Variants in TRMT61B observed in about 807,000 individuals in gnomAD.
TRMT61B encodes tRNA (adenine(58)-N(1))-methyltransferase, mitochondrial.
Under a neutral mutation model 52.0 loss-of-function variants are expected in TRMT61B, and 56 were observed. The observed-to-expected ratio is 1.08, with a 90% CI of 0.87 to 1.35. The LOEUF (loss-of-function observed/expected upper bound fraction) is 1.35. Among genes scored for constraint, TRMT61B ranks in the 40% most tolerant of loss-of-function variants. The pLI is 0.00. For missense variants in TRMT61B, 650 were observed against 577.9 expected (o/e 1.12, Z -1.28); for synonymous variants, 206 against 220.0 (o/e 0.94, Z 0.56).
At chr2:28,869,167 T>A (rs1021850301) in intron 1 of TRMT61B, among the ~76,000 whole-genome samples, 1 of 152,230 alleles carries the variant, frequency 6.6e-6, no homozygotes, top group Non-Finnish European at 1.5e-5. Context: ...TCTTGTAACA[T>A]GATTATTGAA....
chr2:28,855,077 G>A (rs1366189149), intron 3 of TRMT61B, among the ~76,000 whole-genome samples: 1 of 152,132 alleles, frequency 6.6e-6, no homozygotes, highest in African/African-American at 2.4e-5. Flanking sequence ...TCCTGGTGGA[G>A]GGAACAGCAA....
intron 1 of TRMT61B, among the ~76,000 whole-genome samples, chr2:28,868,639 A>T (rs946753557): frequency 3.9e-5 from 6 of 152,250 alleles, no homozygotes; most frequent in Admixed American, 6.5e-5. Flanking sequence ...AAGGAGGAGG[A>T]GTTGTGTTAC....
intron 1 of TRMT61B, among the ~76,000 whole-genome samples, chr2:28,868,070 T>C (rs959974873): frequency 6.6e-6 from 1 of 152,036 alleles, no homozygotes; most frequent in African/African-American, 2.4e-5. Context: ...AAAAGCTTAT[T>C]ATACCTCAGT....
chr2:28,868,219 C>T (rs1042962038), intron 1 of TRMT61B, among the ~76,000 whole-genome samples: 3 of 152,072 alleles, frequency 2.0e-5, no homozygotes, highest in African/African-American at 4.8e-5. Context: ...ATACGGGGTC[C>T]CTCATCTGAC....
At chr2:28,856,419 A>G (rs1572537588) in intron 3 of TRMT61B, among the ~76,000 whole-genome samples, 1 of 152,168 alleles carries the variant, frequency 6.6e-6, no homozygotes, top group Admixed American at 6.5e-5. Context: ...CTCCAGAACT[A>G]TTCTAAAACA....
intron 5 of TRMT61B, 92 bp downstream of exon 5, chr2:28,850,979 TG>T: frequency 2.6e-6 from 2 of 764,380 alleles, no homozygotes; most frequent in South Asian, 4.5e-5. Flanking sequence ...TATAGAAAAT[TG>T]CTGAGGAATA....
At chr2:28,856,434 T>C (rs1379765411) in intron 3 of TRMT61B, among the ~76,000 whole-genome samples, 1 of 152,170 alleles carries the variant, frequency 6.6e-6, no homozygotes, top group Non-Finnish European at 1.5e-5. Flanking sequence ...AAAACAGAAA[T>C]CTAGACAGTC....
At chr2:28,859,074 T>TCTTC (rs1669482602) in intron 3 of TRMT61B, among the ~76,000 whole-genome samples, 1 of 149,430 alleles carries the variant, frequency 6.7e-6, no homozygotes, top group Admixed American at 6.7e-5. Context: ...CTTGTATTTT[T>TCTTC]CTTTCTTTCT....
At chr2:28,862,694 T>A (rs1450076530) in intron 2 of TRMT61B, among the ~76,000 whole-genome samples, 1 of 151,744 alleles carries the variant, frequency 6.6e-6, no homozygotes, top group African/African-American at 2.4e-5. Flanking sequence ...TTTCATATAT[T>A]TAAAAGGTAT....
At chr2:28,853,574 C>T (rs1422212786) in intron 3 of TRMT61B, among the ~76,000 whole-genome samples, 1 of 152,198 alleles carries the variant, frequency 6.6e-6, no homozygotes, top group Admixed American at 6.5e-5. Flanking sequence ...CAGTGGCTCA[C>T]GCCTATAATC....
In TRMT61B at chr2:28,851,925, A is replaced by C. The variant is rs1409388379; in HGVS notation, c.1085+483T>G. Among the ~76,000 whole-genome samples, 37 of 150,916 alleles carry C rather than the reference A, an allele frequency of 2.5e-4. 1 individual carries two copies. Among genetic ancestry groups the C allele is most frequent in the East Asian group, 5.8e-4 (3 of 5,156 alleles). On this transcript the variant is annotated intron_variant, in intron 4 of 6. Transcript: ENST00000306108. ...AACGAAAAAAGTTTAAAAAAAAAAA[A>C]CACTAAATAAATATACAGTAATATA... is the stretch of plus-strand genomic sequence containing the variant.
intron 1 of TRMT61B, among the ~76,000 whole-genome samples, chr2:28,867,601 T>C (rs573919033): frequency 6.6e-6 from 1 of 152,310 alleles, no homozygotes; most frequent in South Asian, 2.1e-4. Context: ...TGGAACAATG[T>C]GACTTTTATC....
intron 5 of TRMT61B, 68 bp downstream of exon 5, chr2:28,851,004 T>C (rs1219331485): frequency 3.1e-6 from 3 of 968,578 alleles, no homozygotes; most frequent in South Asian, 1.8e-5. Context: ...TTATAATCTA[T>C]TGGTCAGTAT....
chr2:28,865,348 T>C (rs1006657323), intron 1 of TRMT61B, among the ~76,000 whole-genome samples: 1 of 152,154 alleles, frequency 6.6e-6, no homozygotes, highest in Non-Finnish European at 1.5e-5. Context: ...AATAAGTTCA[T>C]AGAGTAGCAG....
In TRMT61B at chr2:28,869,650, T is replaced by C; in HGVS notation, c.628A>G (p.Met210Val). The C allele has an allele frequency of 1.2e-6, 2 of 1,614,214 alleles. No individual in the cohort carries two copies. The highest frequency in any genetic ancestry group is 1.7e-6 in the Non-Finnish European group (2 of 1,180,032). The change falls in exon 1 of 7, where the codon ATG becomes GTG. Residue 210 changes from methionine to valine, a missense_variant. Met to Val is a conservative substitution (Grantham distance 21). Coordinates refer to ENST00000306108, the MANE Select transcript of TRMT61B (RefSeq NM_017910.4). ...ILRSSFGKQY[M>V]LRRPALEDYV... ...TCTTCCAAGGCTGGCCTCCTCAGCA[T>C]GTACTGCTTACCGAAGGAACTCCTC...
intron 2 of TRMT61B, among the ~76,000 whole-genome samples, chr2:28,864,207 T>C (rs1201614284): frequency 2.0e-5 from 3 of 152,100 alleles, no homozygotes; most frequent in African/African-American, 4.8e-5. Flanking sequence ...TATAATTCTT[T>C]GGCCCTAACG....
chr2:28,859,013 GCCTCCCA>G (rs1669478934), intron 3 of TRMT61B, among the ~76,000 whole-genome samples: 1 of 150,460 alleles, frequency 6.6e-6, no homozygotes, highest in African/African-American at 2.4e-5. Flanking sequence ...TCCTGACTCG[GCCTCCCA>G]AGTAGCTGGG....
rs1324858692 is a variant in TRMT61B at position 28,852,641 on chromosome 2, T to C, written c.994-142A>G. ...AGAAGGTAGTATTATTAACTATCATTTTACCACTCCCAAAAGGGTATGTTA... is the reference window on the plus strand; with the variant it reads ...AGAAGGTAGTATTATTAACTATCATCTTACCACTCCCAAAAGGGTATGTTA... On this transcript the variant is annotated intron_variant, in intron 3 of 6. Coordinates refer to ENST00000306108, the MANE Select transcript of TRMT61B (RefSeq NM_017910.4). 9.7e-6 allele frequency: 6 copies of C among 617,714 alleles called. No homozygotes were observed. The East Asian group carries it at 1.4e-4, about 15-fold the overall frequency. The allele number at this position is 617,714 out of a possible 1,614,324, so 38.3% of individuals were successfully genotyped here. A position where few individuals can be genotyped will look rare whatever the true frequency, so the allele number is the denominator to read the frequency against.
At chr2:28,858,279 A>T (rs1224221352) in intron 3 of TRMT61B, among the ~76,000 whole-genome samples, 1 of 151,862 alleles carries the variant, frequency 6.6e-6, no homozygotes, top group Admixed American at 6.6e-5. Context: ...TGGCCTTGTG[A>T]TCTGCCCGCC....
Sources: gnomAD v4.1 joint callset for allele counts (sites outside exome capture counted in the v4.1 genomes callset) on GRCh38, gnomAD v4.1.1 for gene constraint, MANE v1.5 for transcripts, NCBI Gene and HGNC (gene_info 2026-07-23, HGNC 2026-07-21) for gene names.